The following FOXN3 variants were observed in gnomAD, a reference collection of about 807,000 sequenced individuals.
FOXN3 encodes the protein forkhead box N3, also known as forkhead box protein N3.
Under a neutral mutation model 38.4 loss-of-function variants are expected in FOXN3, and 7 were observed. That is an observed-to-expected ratio of 0.18 (90% CI 0.10 to 0.34). The LOEUF is 0.34. Among genes scored for constraint, FOXN3 ranks in the 10% least tolerant of loss-of-function variants. The probability of loss-of-function intolerance (pLI) is 1.00; values close to 1 mark genes in which losing one functional copy is unlikely to be tolerated. For missense variants in FOXN3, 456 were observed against 613.4 expected (o/e 0.74, Z 2.71); for synonymous variants, 230 against 242.2 (o/e 0.95, Z 0.47).
chr14:89,390,809 C>T (rs923431960), intron 2 of FOXN3, among the ~76,000 whole-genome samples: 5 of 152,126 alleles, frequency 3.3e-5, no homozygotes, highest in African/African-American at 4.8e-5. Context: ...GAGCTGCCCC[C>T]GCAGCTTGCA....
At chr14:89,521,316 CAA>C in intron 1 of FOXN3, among the ~76,000 whole-genome samples, 1 of 136,770 alleles carries the variant, frequency 7.3e-6, no homozygotes, top group Non-Finnish European at 1.6e-5. Flanking sequence ...TAAAAAAAAA[CAA>C]AAGAGAGAGA....
chr14:89,194,760 C>T (rs764662498), intron 4 of FOXN3, among the ~76,000 whole-genome samples: 4 of 149,452 alleles, frequency 2.7e-5, no homozygotes, highest in South Asian at 2.1e-4. Flanking sequence ...GAGAGAAATG[C>T]CTTCCCTATA....
At chr14:89,252,536 C>A (rs1032537401) in intron 4 of FOXN3, among the ~76,000 whole-genome samples, 3 of 152,010 alleles carry the variant, frequency 2.0e-5, no homozygotes, top group African/African-American at 7.2e-5. Context: ...TGCCTGTAAT[C>A]CCAGCTACTC....
At chr14:89,245,466 A>G (rs1224104024) in intron 4 of FOXN3, among the ~76,000 whole-genome samples, 1 of 111,282 alleles carries the variant, frequency 9.0e-6, no homozygotes, top group African/African-American at 3.4e-5. Context: ...TGCTTCAAAA[A>G]GGCATTGGAG....
At chr14:89,190,330 A>C in intron 4 of FOXN3, 1 of 1,357,722 alleles carries the variant, frequency 7.4e-7, no homozygotes, top group Non-Finnish European at 1.0e-6. Flanking sequence ...TGTATAAATG[A>C]GAAGGTTAAG....
chr14:89,274,825 T>C (rs1373543530), intron 4 of FOXN3, among the ~76,000 whole-genome samples: 2 of 152,224 alleles, frequency 1.3e-5, no homozygotes, highest in East Asian at 1.9e-4. Context: ...TTCAGATTTA[T>C]GTATACATCC....
In FOXN3 at chr14:89,313,119, C is replaced by T. The variant is rs118093869; in HGVS notation, c.681-32105G>A. On this transcript the variant is annotated intron_variant, in intron 3 of 5. Coordinates refer to ENST00000557258, the MANE Select transcript of FOXN3 (RefSeq NM_005197.4). ...ACCCAACTGTTAGGATTTTTATTAC[C>T]AGGCAAGGGTGCAAAGGTCTAAGTC... Among the ~76,000 whole-genome samples, 752 of 152,260 alleles carry T rather than the reference C, an allele frequency of 4.9e-3. 5 individuals carry two copies. The highest frequency in any genetic ancestry group is 0.01 in the Middle Eastern group (3 of 294).
intron 3 of FOXN3, among the ~76,000 whole-genome samples, chr14:89,285,863 A>T (rs1005732081): frequency 2.4e-4 from 35 of 145,984 alleles, no homozygotes; most frequent in Non-Finnish European, 2.4e-4. Flanking sequence ...TTTACCAAAA[A>T]TTTTTTTTTT....
rs139323590 is a variant in FOXN3 at position 89,434,862 on chromosome 14, C to T, written c.-14-22372G>A. Among the ~76,000 whole-genome samples the T allele has an allele frequency of 4.4e-3, 668 of 152,266 alleles. 7 individuals carry two copies. The highest frequency in any genetic ancestry group is 0.015 in the African/African-American group (624 of 41,552). On this transcript the variant is annotated intron_variant, in intron 1 of 6. Coordinates refer to the FOXN3 transcript ENST00000345097. ...ACTATGTATCTTGTTCTTTGCACTCCGGTAGTTATTGTCTGCCAGTTTAGA... is the reference window on the plus strand; with the variant it reads ...ACTATGTATCTTGTTCTTTGCACTCTGGTAGTTATTGTCTGCCAGTTTAGA...
chr14:89,338,784 G>A (rs1444498070), intron 3 of FOXN3, among the ~76,000 whole-genome samples: 1 of 152,102 alleles, frequency 6.6e-6, no homozygotes, highest in African/African-American at 2.4e-5. Flanking sequence ...ACTCCAGCCT[G>A]GGTGAAAGGG....
At chr14:89,419,003 C>A (rs551652569), upstream of FOXN3, among the ~76,000 whole-genome samples, 3 of 150,534 alleles carry the variant, frequency 2.0e-5, no homozygotes, top group Non-Finnish European at 4.4e-5. Flanking sequence ...AGAGGTGGCA[C>A]CTTATTTTCA....
At chr14:89,284,582 G>A (rs1259407222) in intron 3 of FOXN3, 1 of 455,892 alleles carries the variant, frequency 2.2e-6, no homozygotes, top group East Asian at 6.9e-5. Context: ...AAAGTCCCAG[G>A]CTAGAAAAAG....
chr14:89,169,986 G>T (rs1230031784), intron 5 of FOXN3, among the ~76,000 whole-genome samples: 1 of 152,176 alleles, frequency 6.6e-6, no homozygotes, highest in Non-Finnish European at 1.5e-5. Flanking sequence ...TGTGCTGTTT[G>T]CAAGAGACAA....
intron 1 of FOXN3, among the ~76,000 whole-genome samples, chr14:89,567,721 AT>A (rs58016745): frequency 0.72 from 92,893 of 129,442 alleles, 33,938 homozygotes; most frequent in Non-Finnish European, 0.82. Context: ...AATCTCGTTG[AT>A]TTTTTTTTTT....
intron 4 of FOXN3, among the ~76,000 whole-genome samples, chr14:89,225,323 A>C (rs1884601291): frequency 1.3e-5 from 2 of 150,572 alleles, no homozygotes; most frequent in Non-Finnish European, 3.0e-5. Flanking sequence ...ATAATACAAA[A>C]GCCGGGCACA....
chr14:89,200,694 C>T (rs1888214457), intron 4 of FOXN3, among the ~76,000 whole-genome samples: 1 of 152,256 alleles, frequency 6.6e-6, no homozygotes, highest in African/African-American at 2.4e-5. Context: ...GCAGCGAGGT[C>T]TGCGTCACAT....
intron 4 of FOXN3, chr14:89,230,687 A>G (rs566421584): frequency 4.2e-6 from 1 of 236,266 alleles, no homozygotes; most frequent in South Asian, 5.0e-5. Context: ...TGTTTCCTTC[A>G]CTGATGAATC....
intron 1 of FOXN3, among the ~76,000 whole-genome samples, chr14:89,516,495 T>A (rs989348015): frequency 6.6e-6 from 1 of 152,106 alleles, no homozygotes; most frequent in Non-Finnish European, 1.5e-5. Context: ...AAACACATGA[T>A]ATTTAGTGAC....
rs1278397656 is a variant in FOXN3, at chr14:89,346,157, TACC to T, written c.680+4512_680+4514del. On this transcript the variant is annotated intron_variant, in intron 3 of 5. Transcript: ENST00000557258. Reference sequence around the variant, plus strand: ...TGAGTAGTATTCCATGGTGTATATATACCACATTTTCCTTATCTACTCATAGGT... The same window carrying T: ...TGAGTAGTATTCCATGGTGTATATATACATTTTCCTTATCTACTCATAGGT... 7.2e-5 allele frequency among the ~76,000 whole-genome samples: 11 copies of T among 152,326 alleles called. No individual in the cohort carries two copies. The South Asian group carries it at 2.3e-3, about 32-fold the overall frequency.
Sources: allele counts gnomAD v4.1 joint callset (sites outside exome capture counted in the v4.1 genomes callset), GRCh38; gene constraint gnomAD v4.1.1; transcripts MANE v1.5; gene names NCBI Gene and HGNC (gene_info 2026-07-23, HGNC 2026-07-21).